Variants in DCUN1D5 observed in about 807,000 individuals in gnomAD.
The protein encoded by DCUN1D5 is defective in cullin neddylation 1 domain containing 5.
A neutral mutation model predicts 38.3 loss-of-function variants in DCUN1D5; 10 were observed. The observed-to-expected ratio is 0.26, with a 90% CI of 0.16 to 0.44. The LOEUF is 0.44. DCUN1D5 is among the 20% of genes least tolerant of loss of function. DCUN1D5 has a pLI of 1.00. For missense variants in DCUN1D5, 148 were observed against 275.3 expected (o/e 0.54, Z 3.27); for synonymous variants, 93 against 90.9 (o/e 1.02, Z -0.13).
chr11:103,065,276 C>T lies in DCUN1D5; in HGVS notation c.556-899G>A, dbSNP rs1018291821. Among the ~76,000 whole-genome samples the T allele has an allele frequency of 1.3e-5, 2 of 151,968 alleles. No homozygotes were observed. Among genetic ancestry groups the T allele is most frequent in the African/African-American group, 2.4e-5 (1 of 41,360 alleles). The stretch of plus-strand genomic sequence containing the variant: ...AAGCAATTCTCGTGCCTCAGCCTCC[C>T]GAGTAGCTGGGACTACAGGCACAAA... On this transcript the variant is annotated intron_variant, in intron 6 of 7. Transcript: ENST00000260247. The surrounding 1 kb of genome is among the most constrained non-coding windows in gnomAD (Gnocchi z 4.6).
chr11:103,081,198 G>A (rs778500137), intron 4 of DCUN1D5, among the ~76,000 whole-genome samples: 4 of 152,070 alleles, frequency 2.6e-5, no homozygotes, highest in Non-Finnish European at 2.9e-5. Context: ...AAAATATACA[G>A]CCACTTGTTA....
At position 103,059,462 on chromosome 11, in the gene DCUN1D5, A is replaced by G. The variant is rs761957515; in HGVS notation, c.*2897T>C. 4.6e-5 allele frequency among the ~76,000 whole-genome samples: 7 copies of G among 152,224 alleles called. No individual in the cohort carries two copies. The highest frequency in any genetic ancestry group is 7.3e-5 in the Non-Finnish European group (5 of 68,044). Reference sequence around the variant, plus strand: ...ATCTAACATTCCCAAAGAAGGCTTCAAATTGCAGTTCAAGAAACACTAATC... The same window carrying G: ...ATCTAACATTCCCAAAGAAGGCTTCGAATTGCAGTTCAAGAAACACTAATC... On this transcript the variant is annotated 3_prime_UTR_variant, in exon 8 of 8. Transcript: ENST00000260247.
In DCUN1D5 at chr11:103,073,234, T is replaced by C. The variant is rs972927847; in HGVS notation, c.342-6667A>G. ...CACAAAACTGATGAAAAAAATCAAA[T>C]ACCTAAAAAAATGAAGAGACATTAC... On this transcript the variant is annotated intron_variant, in intron 4 of 7. Transcript: ENST00000260247. This position sits in a 1 kb window ranked among gnomAD's most constrained non-coding sequence, Gnocchi z 4.2. Among the ~76,000 whole-genome samples the C allele has an allele frequency of 6.6e-6, 1 of 151,638 alleles. No individual in the cohort carries two copies. Among genetic ancestry groups the C allele is most frequent in the Non-Finnish European group, 1.5e-5 (1 of 67,904 alleles).
Position 103,064,493 on chromosome 11 carries a change from A to AT in DCUN1D5, c.556-117dup, listed in dbSNP as rs575661859. ...TTTGGTTTTTTCTAAAACATTTACTATTTTTTTAATTATTTGTGTTTCTAA... is the reference window on the plus strand; with the variant it reads ...TTTGGTTTTTTCTAAAACATTTACTATTTTTTTTAATTATTTGTGTTTCTAA... On this transcript the variant is annotated intron_variant, in intron 6 of 7. Transcript: ENST00000260247. This position sits in a 1 kb window ranked among gnomAD's most constrained non-coding sequence, Gnocchi z 4.5. 18 of 695,170 alleles carry AT rather than the reference A, an allele frequency of 2.6e-5. No homozygotes were observed. In the South Asian group the frequency reaches 3.5e-4, roughly 13 times the overall value. The allele number at this position is 695,170 out of a possible 1,614,324, so 43.1% of individuals were successfully genotyped here.
chr11:103,078,478 C>T lies in DCUN1D5; in HGVS notation c.341+4270G>A, dbSNP rs1322411004. Among the ~76,000 whole-genome samples, 2 of 152,200 alleles carry T rather than the reference C, an allele frequency of 1.3e-5. No homozygotes were observed. The highest frequency in any genetic ancestry group is 2.9e-5 in the Non-Finnish European group (2 of 68,032). On this transcript the variant is annotated intron_variant, in intron 4 of 7. Transcript: ENST00000260247. This position sits in a 1 kb window ranked among gnomAD's most constrained non-coding sequence, Gnocchi z 4.6. ...CGAGGTCCATAGTTCTCATAAGACT[C>T]TCAAAAGAGACTGTGACTTTAAAAT...
In DCUN1D5 at chr11:103,091,566, G is replaced by A. The variant is rs1862866994; in HGVS notation, c.86+221C>T. Reference sequence around the variant, plus strand: ...GGGCACGTAGACTCTTAACGTGGGCGGCTCTTCTAGTCTCTCCATAAACGC... The same window carrying A: ...GGGCACGTAGACTCTTAACGTGGGCAGCTCTTCTAGTCTCTCCATAAACGC... On this transcript the variant is annotated intron_variant, in intron 1 of 7. Transcript: ENST00000260247. The surrounding 1 kb of genome is among the most constrained non-coding windows in gnomAD (Gnocchi z 4.3). The A allele has an allele frequency of 1.5e-6, 1 of 653,782 alleles. No homozygotes were observed. 40.5% of individuals were successfully genotyped at this position (653,782 alleles called of 1,614,324 possible). A position where few individuals can be genotyped will look rare whatever the true frequency, so the allele number is the denominator to read the frequency against.
At position 103,091,704 on chromosome 11, in the gene DCUN1D5, G is replaced by A. The variant is rs777647061; in HGVS notation, c.86+83C>T. 4 of 1,611,356 alleles carry A rather than the reference G, an allele frequency of 2.5e-6. No homozygotes were observed. Among genetic ancestry groups the A allele is most frequent in the Non-Finnish European group, 3.4e-6 (4 of 1,178,820 alleles). ...CTCACCTGTCTCCAGCCCCAGCCCG[G>A]CAGGCCGGGCCCGACTCCTTTTCCT... On this transcript the variant is annotated intron_variant, in intron 1 of 7. Coordinates refer to ENST00000260247, the MANE Select transcript of DCUN1D5 (RefSeq NM_032299.4). This position sits in a 1 kb window ranked among gnomAD's most constrained non-coding sequence, Gnocchi z 4.3.
chr11:103,057,835 G>C lies in DCUN1D5; in HGVS notation c.*4524C>G, dbSNP rs1456021315. Among the ~76,000 whole-genome samples the C allele has an allele frequency of 6.6e-6, 1 of 152,014 alleles. No individual in the cohort carries two copies. Among genetic ancestry groups the C allele is most frequent in the Non-Finnish European group, 1.5e-5 (1 of 68,010 alleles). On this transcript the variant is annotated 3_prime_UTR_variant, in exon 8 of 8. Transcript: ENST00000260247. The surrounding 1 kb of genome is among the most constrained non-coding windows in gnomAD (Gnocchi z 4.8). The stretch of plus-strand genomic sequence containing the variant: ...ATATATTCACTTCAAGTATTTATTA[G>C]CTTTTTAAAATCCACAATTTTAACC...
intron 2 of DCUN1D5, among the ~76,000 whole-genome samples, chr11:103,084,231 A>G (rs1247532444): frequency 1.3e-5 from 2 of 152,206 alleles, no homozygotes; most frequent in Admixed American, 1.3e-4. Flanking sequence ...ATCTTGAGAT[A>G]TTATTCTTAA....
Position 103,083,157 on chromosome 11 carries a change from A to G in DCUN1D5, c.249+99T>C, listed in dbSNP as rs1289269507. On this transcript the variant is annotated intron_variant, in intron 3 of 7. Coordinates refer to ENST00000260247, the MANE Select transcript of DCUN1D5 (RefSeq NM_032299.4). This position sits in a 1 kb window ranked among gnomAD's most constrained non-coding sequence, Gnocchi z 4.4. ...AATTTACAATATTAAACATGAAGAA[A>G]TAAAATCTTCATACAAGATTAAAGT... is the stretch of plus-strand genomic sequence containing the variant. The G allele has an allele frequency of 1.5e-6, 1 of 672,526 alleles. No homozygotes were observed. Among genetic ancestry groups the G allele is most frequent in the East Asian group, 2.7e-5 (1 of 36,590 alleles). The allele number at this position is 672,526 out of a possible 1,614,324, so 41.7% of individuals were successfully genotyped here.
At position 103,061,733 on chromosome 11, in the gene DCUN1D5, A is replaced by ACAT. The variant is rs1385320182; in HGVS notation, c.*623_*625dup. Among the ~76,000 whole-genome samples the ACAT allele has an allele frequency of 6.6e-6, 1 of 152,090 alleles. No individual in the cohort carries two copies. Among genetic ancestry groups the ACAT allele is most frequent in the Non-Finnish European group, 1.5e-5 (1 of 67,974 alleles). Reference sequence around the variant, plus strand: ...CTTTTTTAGAAAACAAAACAACTGGACATAATCTTTCCAATTCTAAGCTCT... The same window carrying ACAT: ...CTTTTTTAGAAAACAAAACAACTGGACATCATAATCTTTCCAATTCTAAGCTCT... On this transcript the variant is annotated 3_prime_UTR_variant, in exon 8 of 8. Transcript: ENST00000260247.
At position 103,057,551 on chromosome 11, in the gene DCUN1D5, C is replaced by CA. The variant is rs113032356; in HGVS notation, c.*4807dup. ...GAAATCCCATCTTTACTAAAACAAA[C>CA]AAAAAAAAAAATACAAAACTTAGCT... is the stretch of plus-strand genomic sequence containing the variant. On this transcript the variant is annotated 3_prime_UTR_variant, in exon 8 of 8. Transcript: ENST00000260247. The surrounding 1 kb of genome is among the most constrained non-coding windows in gnomAD (Gnocchi z 4.8). Among the ~76,000 whole-genome samples, 12,308 of 143,028 alleles carry CA rather than the reference C, an allele frequency of 0.086. 551 individuals are homozygous for CA. Among genetic ancestry groups the CA allele is most frequent in the East Asian group, 0.16 (776 of 4,980 alleles). 93.8% of individuals were successfully genotyped at this position (143,028 alleles called of 152,430 possible). A position where few individuals can be genotyped will look rare whatever the true frequency, so the allele number is the denominator to read the frequency against.
rs1436979191 is a variant in DCUN1D5, at chr11:103,064,306, A to G, written c.627T>C (p.Ala209=). 6 of 1,611,402 alleles carry G rather than the reference A, an allele frequency of 3.7e-6. No individual in the cohort carries two copies. Among genetic ancestry groups the G allele is most frequent in the Admixed American group, 1.7e-5 (1 of 59,768 alleles). The change falls in exon 7 of 8, where the codon GCT becomes GCC. Residue 209 remains alanine (A), a synonymous_variant. Transcript: ENST00000260247. This position sits in a 1 kb window ranked among gnomAD's most constrained non-coding sequence, Gnocchi z 4.5. The stretch of plus-strand genomic sequence containing the variant: ...CATCTTCATCATAGTTACTAAGATC[A>G]GCATGGACTGTTCTGCTGAATTCTA... ...NVLEFSRTVH[A]DLSNYDEDGA...
At position 103,052,412 on chromosome 11, in the gene DCUN1D5, T is replaced by C. The variant is rs531128078; in HGVS notation, c.*9947A>G. Reference sequence around the variant, plus strand: ...AGAGAGACGTGAATTTTTTCATTCATTAAATACCTATTATGTGGTGGAAAC... The same window carrying C: ...AGAGAGACGTGAATTTTTTCATTCACTAAATACCTATTATGTGGTGGAAAC... On this transcript the variant is annotated 3_prime_UTR_variant, in exon 8 of 8. Coordinates refer to ENST00000260247, the MANE Select transcript of DCUN1D5 (RefSeq NM_032299.4). 2 of 152,324 alleles carry C rather than the reference T, an allele frequency of 1.3e-5. No homozygotes were observed. Among genetic ancestry groups the C allele is most frequent in the South Asian group, 4.1e-4 (2 of 4,828 alleles). The allele number at this position is 152,324 out of a possible 1,614,324, so 9.4% of individuals were successfully genotyped here.
Position 103,091,927 on chromosome 11 carries a change from C to T in DCUN1D5, c.-55G>A, listed in dbSNP as rs925952781. 2 of 1,520,688 alleles carry T rather than the reference C, an allele frequency of 1.3e-6. No individual in the cohort carries two copies. Among genetic ancestry groups the T allele is most frequent in the African/African-American group, 1.4e-5 (1 of 72,670 alleles). 94.2% of individuals were successfully genotyped at this position (1,520,688 alleles called of 1,614,324 possible). A position where few individuals can be genotyped will look rare whatever the true frequency, so the allele number is the denominator to read the frequency against. On this transcript the variant is annotated 5_prime_UTR_variant, in exon 1 of 8. Coordinates refer to ENST00000260247, the MANE Select transcript of DCUN1D5 (RefSeq NM_032299.4). The surrounding 1 kb of genome is among the most constrained non-coding windows in gnomAD (Gnocchi z 4.3). ...GGAGCCGGGGAAGGGGGTCCCTGTC[C>T]GCTGGAAGCCCCTCAGCGCTGGCAC...
At chr11:103,067,063 T>C (rs1256761185) in intron 4 of DCUN1D5, among the ~76,000 whole-genome samples, 1 of 152,162 alleles carries the variant, frequency 6.6e-6, no homozygotes, top group East Asian at 1.9e-4. Context: ...GGTCCAGTCA[T>C]AAATCAAGAT....
chr11:103,076,920 C>A (rs575329235), intron 4 of DCUN1D5, among the ~76,000 whole-genome samples: 5 of 152,254 alleles, frequency 3.3e-5, no homozygotes, highest in Admixed American at 3.3e-4. Flanking sequence ...AAAGAATAGG[C>A]CAGCACGGTG....
At chr11:103,074,365 C>A (rs1357019955) in intron 4 of DCUN1D5, among the ~76,000 whole-genome samples, 3 of 152,150 alleles carry the variant, frequency 2.0e-5, no homozygotes, top group Non-Finnish European at 1.5e-5. Flanking sequence ...CTGATCCTTA[C>A]AAGTCAACTA....
Position 103,091,978 on chromosome 11 carries a change from G to A in DCUN1D5, c.-106C>T. On this transcript the variant is annotated 5_prime_UTR_variant, in exon 1 of 8. Coordinates refer to ENST00000260247, the MANE Select transcript of DCUN1D5 (RefSeq NM_032299.4). This position sits in a 1 kb window ranked among gnomAD's most constrained non-coding sequence, Gnocchi z 4.3. Reference sequence around the variant, plus strand: ...CCAGTTCCCAGAGACAGCAGCAAGCGGAGGAGCAGAGTCGCCAGCCCGCAC... The same window carrying A: ...CCAGTTCCCAGAGACAGCAGCAAGCAGAGGAGCAGAGTCGCCAGCCCGCAC... 2 of 1,103,522 alleles carry A rather than the reference G, an allele frequency of 1.8e-6. No individual in the cohort carries two copies. Among genetic ancestry groups the A allele is most frequent in the African/African-American group, 1.6e-5 (1 of 63,032 alleles). The allele number at this position is 1,103,522 out of a possible 1,614,324, so 68.4% of individuals were successfully genotyped here.
Sources: gnomAD v4.1 joint callset for allele counts (sites outside exome capture counted in the v4.1 genomes callset) on GRCh38, gnomAD v4.1.1 for gene constraint, Gnocchi (gnomAD v3.1) non-coding constraint, MANE v1.5 for transcripts, NCBI Gene and HGNC (gene_info 2026-07-23, HGNC 2026-07-21) for gene names.